The following GSN variants were observed in gnomAD, a reference collection of about 807,000 sequenced individuals.
GSN encodes the protein actin-depolymerizing factor.
In GSN, 56 loss-of-function variants were observed where a neutral mutation model predicts 85.7. That is an observed-to-expected ratio of 0.65 (90% CI 0.53 to 0.82). The LOEUF (loss-of-function observed/expected upper bound fraction) is 0.82. GSN is among the 40% of genes least tolerant of loss of function. GSN has a pLI of 0.00. For synonymous variants in GSN, 373 were observed against 399.1 expected, an observed-to-expected ratio of 0.93 and a Z score of 0.78; for missense variants, 857 against 979.8, an observed-to-expected ratio of 0.87 and a Z score of 1.67.
chr9:121,243,235 C>T (rs1426507168), intron 5 of GSN, among the ~76,000 whole-genome samples: 3 of 152,196 alleles, frequency 2.0e-5, no homozygotes, highest in Admixed American at 6.5e-5. Flanking sequence ...AGGCCAGCCA[C>T]GTAGCATCTT....
intron 5 of GSN, among the ~76,000 whole-genome samples, chr9:121,240,253 A>G (rs575261300): frequency 6.6e-5 from 10 of 152,326 alleles, no homozygotes; most frequent in African/African-American, 2.4e-4. Flanking sequence ...CCTATTTCCA[A>G]TTAAGGTTGC....
upstream of GSN, among the ~76,000 whole-genome samples, chr9:121,267,334 A>G (rs551547331): frequency 1.1e-3 from 170 of 152,278 alleles, no homozygotes; most frequent in Non-Finnish European, 1.9e-3. Context: ...TTTCTACCCA[A>G]TGTGGATTTC....
intron 1 of GSN, among the ~76,000 whole-genome samples, chr9:121,274,471 CCT>C (rs2056415694): frequency 6.6e-6 from 1 of 151,972 alleles, no homozygotes; most frequent in African/African-American, 2.4e-5. Context: ...AAATGGAGTT[CCT>C]GAGTCAAAAT....
chr9:121,246,696 A>G (rs1200035520), intron 5 of GSN, among the ~76,000 whole-genome samples: 8 of 152,234 alleles, frequency 5.3e-5, no homozygotes, highest in Middle Eastern at 6.8e-3. Context: ...ATGACTGTCT[A>G]TCACCACCCT....
chr9:121,302,079 A>G lies in GSN; in HGVS notation c.108A>G (p.Gly36=). Residue 36 remains glycine (G), a synonymous_variant, in exon 3 of 18, where the codon GGA becomes GGG. Transcript: ENST00000432226. The part of the protein sequence containing the change: ...DLVPVPTNLY[G]DFFTGDAYVI... ...TGCCCGTGCCCACCAACCTTTATGG[A>G]GACTTCTTCACGGGCGACGCCTACG... is the stretch of plus-strand genomic sequence containing the variant. 6.2e-7 allele frequency: 1 copy of G among 1,614,184 alleles called. No homozygotes were observed.
chr9:121,272,001 G>T (rs550810798), intron 1 of GSN, among the ~76,000 whole-genome samples: 1 of 152,350 alleles, frequency 6.6e-6, no homozygotes, highest in East Asian at 1.9e-4. Context: ...CAGAAGCAGA[G>T]AAAAGCACGT....
intron 2 of GSN, 83 bp from the exon 3 acceptor site, chr9:121,301,880 G>A: frequency 3.1e-6 from 5 of 1,605,724 alleles, no homozygotes; most frequent in Non-Finnish European, 4.2e-6. Flanking sequence ...TGCTCTTGGT[G>A]CTAGAAACCG....
At chr9:121,212,241 C>T (rs1269025943) in intron 4 of GSN, among the ~76,000 whole-genome samples, 1 of 152,154 alleles carries the variant, frequency 6.6e-6, no homozygotes, top group Non-Finnish European at 1.5e-5. Flanking sequence ...ACTCTCTAAT[C>T]CTTATCAGTT....
upstream of GSN, among the ~76,000 whole-genome samples, chr9:121,263,925 A>G (rs1415362262): frequency 6.6e-6 from 1 of 150,872 alleles, no homozygotes; most frequent in Non-Finnish European, 1.5e-5. Context: ...TCTCATGAGA[A>G]CTCACCATCA....
chr9:121,278,457 C>A lies in GSN; in HGVS notation c.-102-3013C>A, dbSNP rs935102591. Among the ~76,000 whole-genome samples the A allele has an allele frequency of 2.0e-5, 3 of 152,220 alleles. No individual in the cohort carries two copies. The East Asian group carries it at 5.8e-4, about 29-fold the overall frequency. On this transcript the variant is annotated intron_variant, in intron 1 of 17. Coordinates refer to ENST00000432226, the MANE Select transcript of GSN (RefSeq NM_198252.3). ...AAAATACTCTGCTCCAGTATCCCCC[C>A]ATCCCACCTCCAGAGCAGAAAGCTC...
At chr9:121,209,518 A>C (rs910667820) in intron 2 of GSN, 5 of 152,202 alleles carry the variant, frequency 3.3e-5, no homozygotes, top group African/African-American at 1.2e-4. Flanking sequence ...ACAAGTCAGA[A>C]ATCATCCAAC....
chr9:121,326,118 T>C (rs936926035), intron 12 of GSN, among the ~76,000 whole-genome samples: 1 of 149,678 alleles, frequency 6.7e-6, no homozygotes, highest in African/African-American at 2.5e-5. Flanking sequence ...GGATCTAGAA[T>C]GCTCTGTTCT....
upstream of GSN, among the ~76,000 whole-genome samples, chr9:121,264,557 G>A (rs1318289152): frequency 1.3e-5 from 2 of 152,156 alleles, no homozygotes; most frequent in Non-Finnish European, 2.9e-5. Context: ...AACACTAAAG[G>A]GGACCGAGGC....
rs1174578662 is a variant in GSN, at chr9:121,309,380, AG to A, written c.352-1303del. The A allele has an allele frequency of 4.6e-5, 7 of 152,286 alleles. No individual in the cohort carries two copies. The East Asian group carries it at 1.4e-3, about 30-fold the overall frequency. 9.4% of individuals were successfully genotyped at this position (152,286 alleles called of 1,614,324 possible). On this transcript the variant is annotated intron_variant, in intron 4 of 17. Coordinates refer to ENST00000432226, the MANE Select transcript of GSN (RefSeq NM_198252.3). ...TGATTACAGAGGGCTGGGGAGCAGG[AG>A]CTTGTGTCTCCACTTCAGAAAGGAG...
chr9:121,205,499 A>T (rs1314100097), upstream of GSN, among the ~76,000 whole-genome samples: 1 of 152,180 alleles, frequency 6.6e-6, no homozygotes, highest in East Asian at 1.9e-4. Flanking sequence ...GAGAGACAGC[A>T]CTGGAGGGGC....
intron 2 of GSN, among the ~76,000 whole-genome samples, chr9:121,288,706 T>G (rs2058385744): frequency 6.6e-6 from 1 of 152,138 alleles, no homozygotes; most frequent in South Asian, 2.1e-4. Context: ...CCCTTCCTGA[T>G]GTGAATCACC....
rs1422459930 is a variant in GSN at position 121,302,898 on chromosome 9, T to C, written c.197-13T>C. 1 of 1,613,200 alleles carries C rather than the reference T, an allele frequency of 6.2e-7. No individual in the cohort carries two copies. Among genetic ancestry groups the C allele is most frequent in the East Asian group, 2.2e-5 (1 of 44,890 alleles). On this transcript the variant is annotated splice_polypyrimidine_tract_variant and intron_variant, in intron 3 of 17. Coordinates refer to ENST00000432226, the MANE Select transcript of GSN (RefSeq NM_198252.3). ...CTGGAAAGCCAGGCTCATATTGCTC[T>C]GATGTCCCGTAGGCAATGAGTGCAG...
chr9:121,312,625 CT>C, intron 6 of GSN, 137 bp downstream of exon 6: 1 of 718,272 alleles, frequency 1.4e-6, no homozygotes, highest in Non-Finnish European at 2.2e-6. Flanking sequence ...TTTTAAAATA[CT>C]TTTTTATTTT....
upstream of GSN, among the ~76,000 whole-genome samples, chr9:121,264,829 C>T (rs78615008): frequency 3.2e-3 from 494 of 152,282 alleles, no homozygotes; most frequent in African/African-American, 0.011. Flanking sequence ...CCCTGTCACT[C>T]GGGCCAGAGT....
Sources: allele counts gnomAD v4.1 joint callset (sites outside exome capture counted in the v4.1 genomes callset), GRCh38; gene constraint gnomAD v4.1.1; transcripts MANE v1.5; gene names NCBI Gene and HGNC (gene_info 2026-07-23, HGNC 2026-07-21).